NEK4: variants seen among roughly 807,000 people sequenced by gnomAD.
NEK4 encodes NIMA related kinase 4.
A neutral mutation model predicts 98.4 loss-of-function variants in NEK4; 86 were observed. The observed-to-expected ratio is 0.87, with a 90% CI of 0.73 to 1.05. The LOEUF is 1.05. NEK4 is among the 50% of genes least tolerant of loss of function. NEK4 has a pLI of 0.00. For synonymous variants in NEK4, 328 were observed against 342.2 expected (o/e 0.96, Z 0.46); for missense variants, 898 against 950.3 (o/e 0.94, Z 0.72).
At chr3:52,766,980 G>A (rs918207822) in intron 2 of NEK4, among the ~76,000 whole-genome samples, 9 of 150,746 alleles carry the variant, frequency 6.0e-5, no homozygotes, top group Admixed American at 2.0e-4. Context: ...GCGACAGAGC[G>A]AGACTCCGTC....
chr3:52,759,027 G>A (rs944622277), intron 6 of NEK4, among the ~76,000 whole-genome samples: 25 of 150,860 alleles, frequency 1.7e-4, no homozygotes, highest in African/African-American at 6.1e-4. Flanking sequence ...GAGTTCAGAG[G>A]CTGTAGTGAG....
intron 4 of NEK4, among the ~76,000 whole-genome samples, chr3:52,764,072 G>A (rs2154106685): frequency 1.3e-5 from 2 of 151,874 alleles, no homozygotes; most frequent in South Asian, 4.2e-4. Flanking sequence ...ATTGCCTGAG[G>A]TCAGGAGTTT....
At chr3:52,736,382 C>G (rs1424187844) in intron 15 of NEK4, among the ~76,000 whole-genome samples, 2 of 152,018 alleles carry the variant, frequency 1.3e-5, no homozygotes, top group African/African-American at 4.8e-5. Flanking sequence ...GTCAGGAGAT[C>G]GAGACCATCC....
intron 6 of NEK4, among the ~76,000 whole-genome samples, chr3:52,752,933 T>TATATATATATACAC (rs148965312): frequency 2.6e-5 from 2 of 75,574 alleles, no homozygotes; most frequent in African/African-American, 5.4e-5. Flanking sequence ...TATATATATA[T>TATATATATATACAC]ACACACACAC....
chr3:52,737,604 C>G lies in NEK4; in HGVS notation c.2415G>C (p.Glu805Asp), dbSNP rs1350273977. The change falls in exon 15 of 16, where the codon GAG becomes GAC. Residue 805 changes from glutamate to aspartate, a missense_variant. By Grantham distance (45) the Glu-to-Asp change is conservative. Coordinates refer to ENST00000233027, the MANE Select transcript of NEK4 (RefSeq NM_003157.6). ...CACTCACCTCTCTATCAAATTCATC[C>G]TCCTCCTCCAAAAGATCATACACCT... ...LEQVYDLLEE[E>D]DEFDREVRLR... 7 of 1,613,640 alleles carry G rather than the reference C, an allele frequency of 4.3e-6. No homozygotes were observed. Among genetic ancestry groups the G allele is most frequent in the Non-Finnish European group, 5.9e-6 (7 of 1,179,634 alleles).
intron 15 of NEK4, among the ~76,000 whole-genome samples, chr3:52,734,220 G>A (rs2097372724): frequency 6.6e-6 from 1 of 152,024 alleles, no homozygotes; most frequent in South Asian, 2.1e-4. Flanking sequence ...GCCGAGGCGG[G>A]TGGATCACGA....
chr3:52,711,449 C>T lies in NEK4; in HGVS notation c.*328G>A, dbSNP rs77933071. ...AAATTTTCAATCCAGCATTTTATAG[C>T]TCTGTGTTTAAGTTAATTAGTACCT... On this transcript the variant is annotated 3_prime_UTR_variant, in exon 16 of 16. Coordinates refer to ENST00000233027, the MANE Select transcript of NEK4 (RefSeq NM_003157.6). 0.035 allele frequency: 6,183 copies of T among 177,436 alleles called. 415 individuals carry two copies. Among genetic ancestry groups the T allele is most frequent in the African/African-American group, 0.13 (5,719 of 42,482 alleles). 11.0% of individuals were successfully genotyped at this position (177,436 alleles called of 1,614,324 possible).
chr3:52,717,920 A>G (rs575680940), intron 15 of NEK4, among the ~76,000 whole-genome samples: 3 of 151,820 alleles, frequency 2.0e-5, no homozygotes, highest in African/African-American at 7.2e-5. Context: ...CAGCCTCCCG[A>G]GTAGCTGGGA....
rs943629052 is a variant in NEK4 at position 52,710,716 on chromosome 3, C to T, written c.*1061G>A. Reference sequence around the variant, plus strand: ...AGTGGAGGTTGCAGTGAGTTGAGATCATGCCACTGCACTCCAGCCTGACTG... The same window carrying T: ...AGTGGAGGTTGCAGTGAGTTGAGATTATGCCACTGCACTCCAGCCTGACTG... On this transcript the variant is annotated 3_prime_UTR_variant, in exon 16 of 16. Coordinates refer to ENST00000233027, the MANE Select transcript of NEK4 (RefSeq NM_003157.6). 2.0e-5 allele frequency: 3 copies of T among 151,596 alleles called. No homozygotes were observed. The highest frequency in any genetic ancestry group is 2.9e-5 in the Non-Finnish European group (2 of 67,906). The allele number at this position is 151,596 out of a possible 1,614,324, so 9.4% of individuals were successfully genotyped here.
intron 12 of NEK4, 78 bp downstream of exon 12, chr3:52,743,274 T>G: frequency 1.9e-6 from 2 of 1,080,536 alleles, no homozygotes; most frequent in African/African-American, 1.6e-5. Context: ...TAAATGGAGC[T>G]GACATTTAAA....
intron 15 of NEK4, among the ~76,000 whole-genome samples, chr3:52,734,173 G>A (rs985312989): frequency 6.6e-6 from 1 of 152,038 alleles, no homozygotes; most frequent in Admixed American, 6.6e-5. Context: ...CAGGCCAGGC[G>A]CGGTGGCTCA....
rs983058437 is a variant in NEK4 at position 52,712,221 on chromosome 3, G to A, written c.2434-352C>T. On this transcript the variant is annotated intron_variant, in intron 15 of 15. Transcript: ENST00000233027. ...TCAGCAAATTCATTTATATATGTAT[G>A]TAAATGTAAATCCCATATATTTACA... Among the ~76,000 whole-genome samples the A allele has an allele frequency of 4.6e-5, 7 of 152,226 alleles. No homozygotes were observed. The East Asian group carries it at 5.8e-4, about 13-fold the overall frequency.
intron 5 of NEK4, 69 bp from the exon 6 acceptor site, chr3:52,761,005 G>A (rs1024057665): frequency 5.2e-5 from 52 of 996,462 alleles, no homozygotes; most frequent in Admixed American, 4.9e-4. Flanking sequence ...GGTATATGTG[G>A]GAGTGTGTGT....
At chr3:52,720,672 T>A (rs577352786) in intron 15 of NEK4, among the ~76,000 whole-genome samples, 23 of 152,256 alleles carry the variant, frequency 1.5e-4, no homozygotes, top group African/African-American at 5.3e-4. Flanking sequence ...AGCAAATCTA[T>A]CATTCAAAAA....
In NEK4 at chr3:52,714,711, GC is replaced by G. The variant is rs527733126; in HGVS notation, c.2434-2843del. On this transcript the variant is annotated intron_variant, in intron 15 of 15. Transcript: ENST00000233027. ...GGCGCAAAGGGGCAGGCAGAGAGGT[GC>G]CCCAAGGCAGAGCCAGGCCCGAGCG... 3.6e-3 allele frequency among the ~76,000 whole-genome samples: 551 copies of G among 152,334 alleles called. 5 individuals are homozygous for G. Among genetic ancestry groups the G allele is most frequent in the African/African-American group, 0.012 (488 of 41,580 alleles).
chr3:52,761,719 T>C (rs950269711), intron 5 of NEK4, among the ~76,000 whole-genome samples: 3 of 152,240 alleles, frequency 2.0e-5, no homozygotes, highest in African/African-American at 7.2e-5. Flanking sequence ...AACTTTTCTG[T>C]TTATACAAAA....
chr3:52,755,314 A>C (rs562550592), intron 6 of NEK4, among the ~76,000 whole-genome samples: 11 of 152,176 alleles, frequency 7.2e-5, no homozygotes, highest in South Asian at 2.1e-4. Flanking sequence ...GAAATGATGA[A>C]AAGGTTTTGG....
chr3:52,765,276 A>G (rs1339508079), intron 4 of NEK4, among the ~76,000 whole-genome samples: 1 of 151,052 alleles, frequency 6.6e-6, no homozygotes. Context: ...ACTTGAACCT[A>G]GGAGGTAGAG....
intron 15 of NEK4, among the ~76,000 whole-genome samples, chr3:52,713,569 C>A: frequency 6.6e-6 from 1 of 151,998 alleles, no homozygotes; most frequent in Admixed American, 6.6e-5. Flanking sequence ...CCGAGGCAGG[C>A]GGATCACCTG....
Sources: gnomAD v4.1 joint callset for allele counts (sites outside exome capture counted in the v4.1 genomes callset) on GRCh38, gnomAD v4.1.1 for gene constraint, MANE v1.5 for transcripts, NCBI Gene and HGNC (gene_info 2026-07-23, HGNC 2026-07-21) for gene names.